GSE1: variants seen among roughly 807,000 people sequenced by gnomAD.
GSE1 encodes genetic suppressor element 1.
GSE1 carries 32 observed loss-of-function variants against 112.6 expected under a neutral mutation model. The observed-to-expected ratio is 0.28, with a 90% CI of 0.21 to 0.38. GSE1 has a LOEUF of 0.38. GSE1 is among the 10% of genes least tolerant of loss of function. GSE1 has a pLI of 1.00. For synonymous variants in GSE1, 1,115 were observed against 735.6 expected (o/e 1.52, Z -8.35); for missense variants, 2,348 against 1,699.2 (o/e 1.38, Z -6.71).
chr16:85,500,956 C>A (rs929976235), intron 2 of GSE1, among the ~76,000 whole-genome samples: 4 of 140,264 alleles, frequency 2.9e-5, no homozygotes, highest in Non-Finnish European at 4.6e-5. Flanking sequence ...AGACTCCAGT[C>A]TTGGGATTAA....
At chr16:85,652,923 G>C (rs967512727) in intron 3 of GSE1, among the ~76,000 whole-genome samples, 2 of 151,902 alleles carry the variant, frequency 1.3e-5, no homozygotes, top group Admixed American at 6.5e-5. Flanking sequence ...CCGCTGATCA[G>C]CAGTCGTTAC....
intron 2 of GSE1, among the ~76,000 whole-genome samples, chr16:85,417,585 A>C (rs1164417958): frequency 6.6e-6 from 1 of 152,216 alleles, no homozygotes; most frequent in Non-Finnish European, 1.5e-5. Flanking sequence ...TCAGCGGGTT[A>C]GGTGGCTCTG....
At chr16:85,645,358 G>A (rs1193440090) in intron 2 of GSE1, among the ~76,000 whole-genome samples, 16 of 152,126 alleles carry the variant, frequency 1.1e-4, no homozygotes, top group Non-Finnish European at 2.2e-4. Context: ...CCGCTCTGGG[G>A]CGTGGCCGAT....
intron 1 of GSE1, among the ~76,000 whole-genome samples, chr16:85,332,239 T>C (rs1169718298): frequency 2.0e-5 from 3 of 152,184 alleles, no homozygotes; most frequent in East Asian, 3.9e-4. Flanking sequence ...CCGTCGGCCA[T>C]GAGAGGGGGC....
Position 85,534,684 on chromosome 16 carries a change from G to A in GSE1, c.2465-99230G>A, listed in dbSNP as rs1396525732. Among the ~76,000 whole-genome samples, 4 of 152,178 alleles carry A rather than the reference G, an allele frequency of 2.6e-5. No individual in the cohort carries two copies. The South Asian group carries it at 6.2e-4, about 24-fold the overall frequency. ...CTGCTGGTCGTGCCGCCGTGAGCTC[G>A]GGTGTGCAATGTCTGTTGGGGCCCT... On this transcript the variant is annotated intron_variant, in intron 2 of 2. Coordinates refer to the GSE1 transcript ENST00000637419.
intron 2 of GSE1, among the ~76,000 whole-genome samples, chr16:85,634,888 C>T (rs556703545): frequency 6.6e-6 from 1 of 152,182 alleles, no homozygotes; most frequent in African/African-American, 2.4e-5. Flanking sequence ...GCGGCTGGAG[C>T]TGCTGGGGGC....
At chr16:85,330,484 T>C (rs2046314161) in intron 1 of GSE1, among the ~76,000 whole-genome samples, 1 of 152,218 alleles carries the variant, frequency 6.6e-6, no homozygotes, top group Non-Finnish European at 1.5e-5. Context: ...TATGTGTTGT[T>C]AGAGCCATTG....
At chr16:85,383,029 T>C (rs535680168) in intron 2 of GSE1, among the ~76,000 whole-genome samples, 161 of 151,058 alleles carry the variant, frequency 1.1e-3, no homozygotes, top group African/African-American at 3.9e-3. Context: ...CACCCACACA[T>C]GCACACACAC....
At chr16:85,226,576 T>C (rs1356287966) in intron 1 of GSE1, among the ~76,000 whole-genome samples, 1 of 152,102 alleles carries the variant, frequency 6.6e-6, no homozygotes, top group Admixed American at 6.5e-5. Flanking sequence ...TCTTACGTCC[T>C]TGGGCCTCGG....
intron 1 of GSE1, among the ~76,000 whole-genome samples, chr16:85,181,299 C>A (rs1481237700): frequency 6.6e-6 from 1 of 152,238 alleles, no homozygotes; most frequent in Non-Finnish European, 1.5e-5. Flanking sequence ...ATCATTCCCG[C>A]TTTTCAGATA....
intron 1 of GSE1, among the ~76,000 whole-genome samples, chr16:85,273,406 T>C (rs4423406): frequency 0.74 from 113,012 of 152,208 alleles, 42,897 homozygotes; most frequent in African/African-American, 0.91. Context: ...AAACACCTCA[T>C]GTGTCTGTCA....
At chr16:85,371,289 G>A (rs764351339) in intron 2 of GSE1, among the ~76,000 whole-genome samples, 24 of 152,214 alleles carry the variant, frequency 1.6e-4, no homozygotes, top group Non-Finnish European at 1.8e-4. Flanking sequence ...GTGAGTCCCC[G>A]GGGATGGCCC....
intron 1 of GSE1, among the ~76,000 whole-genome samples, chr16:85,601,767 G>C (rs905296258): frequency 6.6e-6 from 1 of 152,222 alleles, no homozygotes; most frequent in African/African-American, 2.4e-5. Flanking sequence ...GTGAGCTAGG[G>C]AGCTGAGGCC....
At chr16:85,651,074 TCCTCCC>T (rs1159121678) in intron 3 of GSE1, among the ~76,000 whole-genome samples, 11 of 21,496 alleles carry the variant, frequency 5.1e-4, no homozygotes, top group African/African-American at 1.3e-3. Flanking sequence ...CCTCCGCCCC[TCCTCCC>T]CCTCCCCCTC....
intron 1 of GSE1, among the ~76,000 whole-genome samples, chr16:85,301,535 C>T (rs1278851416): frequency 6.6e-6 from 1 of 152,270 alleles, no homozygotes; most frequent in African/African-American, 2.4e-5. Flanking sequence ...CCTGCATGGG[C>T]ACCGGAAAGA....
At chr16:85,424,893 C>T (rs552225868) in intron 2 of GSE1, among the ~76,000 whole-genome samples, 1 of 152,278 alleles carries the variant, frequency 6.6e-6, no homozygotes, top group Non-Finnish European at 1.5e-5. Flanking sequence ...CGAAGTCATA[C>T]ATATGGAACA....
intron 2 of GSE1, among the ~76,000 whole-genome samples, chr16:85,482,499 T>TC (rs1359743485): frequency 1.1e-5 from 1 of 95,034 alleles, no homozygotes; most frequent in Non-Finnish European, 2.3e-5. Flanking sequence ...CGTGACTCAG[T>TC]TCCCCCCCCA....
intron 1 of GSE1, among the ~76,000 whole-genome samples, chr16:85,602,605 C>T (rs140435972): frequency 6.6e-6 from 1 of 152,266 alleles, no homozygotes; most frequent in Non-Finnish European, 1.5e-5. Context: ...GGCATGTAGC[C>T]TATCTCTGGG....
At chr16:85,209,148 A>G (rs1327277167) in intron 1 of GSE1, among the ~76,000 whole-genome samples, 1 of 152,092 alleles carries the variant, frequency 6.6e-6, no homozygotes, top group East Asian at 1.9e-4. Context: ...TACTGAGTCC[A>G]GTGTTTCTGT....
Sources: allele counts gnomAD v4.1 joint callset (sites outside exome capture counted in the v4.1 genomes callset), GRCh38; gene constraint gnomAD v4.1.1; transcripts MANE v1.5; gene names NCBI Gene and HGNC (gene_info 2026-07-23, HGNC 2026-07-21).